The following DENND1B variants were observed in gnomAD, a reference collection of about 807,000 sequenced individuals.
DENND1B encodes DENN domain containing 1B, also known as DENN domain-containing protein 1B.
Under a neutral mutation model 90.1 loss-of-function variants are expected in DENND1B, and 59 were observed. That is an observed-to-expected ratio of 0.65 (90% CI 0.53 to 0.81). The LOEUF is 0.81. DENND1B is among the 40% of genes least tolerant of loss of function. The pLI is 0.00. For synonymous variants in DENND1B, 337 were observed against 324.6 expected (o/e 1.04, Z -0.41); for missense variants, 862 against 912.6 (o/e 0.94, Z 0.71).
chr1:197,534,957 T>G (rs1451093287), intron 20 of DENND1B, among the ~76,000 whole-genome samples: 1 of 152,228 alleles, frequency 6.6e-6, no homozygotes, highest in Non-Finnish European at 1.5e-5. Flanking sequence ...CATAACATAC[T>G]GTATCATATT....
intron 2 of DENND1B, among the ~76,000 whole-genome samples, chr1:197,741,910 T>C (rs1043694970): frequency 6.6e-6 from 1 of 152,134 alleles, no homozygotes; most frequent in Non-Finnish European, 1.5e-5. Flanking sequence ...ATCTTAAGTA[T>C]GGAAGAACTT....
At chr1:197,570,589 T>G (rs1013202106) in intron 15 of DENND1B, among the ~76,000 whole-genome samples, 2 of 152,200 alleles carry the variant, frequency 1.3e-5, no homozygotes, top group African/African-American at 4.8e-5. Flanking sequence ...TAGAGGTGGA[T>G]GATCTTGAGG....
chr1:197,643,454 C>T (rs1203964205), intron 9 of DENND1B, among the ~76,000 whole-genome samples: 1 of 152,118 alleles, frequency 6.6e-6, no homozygotes, highest in Non-Finnish European at 1.5e-5. Context: ...CCACACCTGG[C>T]CAAGAATCTG....
chr1:197,523,611 T>C (rs890243101), intron 20 of DENND1B, among the ~76,000 whole-genome samples: 19 of 152,130 alleles, frequency 1.2e-4, no homozygotes, highest in Non-Finnish European at 2.4e-4. Flanking sequence ...GCAAGAACAC[T>C]GAGAAAGCTT....
chr1:197,569,854 C>T (rs1673002439), intron 15 of DENND1B, among the ~76,000 whole-genome samples: 1 of 151,974 alleles, frequency 6.6e-6, no homozygotes, highest in African/African-American at 2.4e-5. Context: ...ATGGAGAGTA[C>T]AGTTAATAAC....
At chr1:197,515,625 T>A (rs147197430) in intron 20 of DENND1B, among the ~76,000 whole-genome samples, 3 of 151,936 alleles carry the variant, frequency 2.0e-5, no homozygotes, top group South Asian at 2.1e-4. Context: ...CACTGCTACT[T>A]AAGAACTAAT....
intron 2 of DENND1B, among the ~76,000 whole-genome samples, chr1:197,717,201 A>T (rs1660731852): frequency 6.6e-6 from 1 of 151,988 alleles, no homozygotes; most frequent in African/African-American, 2.4e-5. Flanking sequence ...ACTGCAAAGG[A>T]AGAAACAAAA....
intron 15 of DENND1B, among the ~76,000 whole-genome samples, chr1:197,566,357 T>C (rs1173753473): frequency 6.6e-6 from 1 of 152,092 alleles, no homozygotes; most frequent in Non-Finnish European, 1.5e-5. Context: ...TTCTTGTAAA[T>C]TTGTTTGAGT....
upstream of DENND1B, among the ~76,000 whole-genome samples, chr1:197,778,237 T>C (rs148554475): frequency 6.6e-6 from 1 of 152,318 alleles, no homozygotes; most frequent in East Asian, 1.9e-4. Flanking sequence ...TGTTAGGATA[T>C]CTCTTTTCAT....
At chr1:197,727,978 G>GA (rs919828292) in intron 2 of DENND1B, among the ~76,000 whole-genome samples, 84 of 144,276 alleles carry the variant, frequency 5.8e-4, no homozygotes, top group East Asian at 2.6e-3. Context: ...GAAGAGCTGT[G>GA]AAAAAAAAAA....
intron 18 of DENND1B, 92 bp downstream of exon 18, chr1:197,545,830 A>G: frequency 8.8e-7 from 1 of 1,132,526 alleles, no homozygotes; most frequent in Non-Finnish European, 1.2e-6. Flanking sequence ...TTTAAAAGAA[A>G]AATAGAAAAT....
chr1:197,569,997 C>T (rs1353956484), intron 15 of DENND1B, among the ~76,000 whole-genome samples: 1 of 152,010 alleles, frequency 6.6e-6, no homozygotes, highest in Admixed American at 6.6e-5. Flanking sequence ...TTTAGTCATT[C>T]CACAATCAAA....
intron 15 of DENND1B, among the ~76,000 whole-genome samples, chr1:197,554,148 C>T (rs1052444142): frequency 3.0e-5 from 4 of 134,658 alleles, no homozygotes; most frequent in Non-Finnish European, 6.4e-5. Flanking sequence ...CACACACACA[C>T]GTATTACTAG....
At chr1:197,637,232 T>C (rs1041772689) in intron 10 of DENND1B, among the ~76,000 whole-genome samples, 2 of 151,092 alleles carry the variant, frequency 1.3e-5, no homozygotes, top group African/African-American at 4.9e-5. Flanking sequence ...GCTATAAGGA[T>C]AAGAAAAAAG....
rs531267135 is a variant in DENND1B at position 197,774,889 on chromosome 1, T to C, written c.17+250A>G. On this transcript the variant is annotated intron_variant, in intron 1 of 22. Coordinates refer to ENST00000620048, the MANE Select transcript of DENND1B (RefSeq NM_001195215.2). ...CGAAAGGCGGGCGTCGACAAGGCGC[T>C]AGTGGCCTCTCCGGGAGGAGCCGCG... Among the ~76,000 whole-genome samples, 84 of 152,044 alleles carry C rather than the reference T, an allele frequency of 5.5e-4. 2 individuals are homozygous for C. The South Asian group carries it at 0.017, about 31-fold the overall frequency.
chr1:197,652,689 T>G (rs560000986), intron 6 of DENND1B, among the ~76,000 whole-genome samples: 37 of 152,208 alleles, frequency 2.4e-4, no homozygotes, highest in African/African-American at 7.0e-4. Flanking sequence ...AGTACTCTTA[T>G]TTTCCATTTC....
At chr1:197,752,567 C>A (rs963774195) in intron 2 of DENND1B, among the ~76,000 whole-genome samples, 1 of 152,030 alleles carries the variant, frequency 6.6e-6, no homozygotes, top group Non-Finnish European at 1.5e-5. Context: ...AAAACACTAA[C>A]TTCTGATTTT....
chr1:197,690,219 C>T lies in DENND1B; in HGVS notation c.127-16050G>A, dbSNP rs531151715. Reference sequence around the variant, plus strand: ...CAAGAATGTGTCTGTCAAAGATACTCGTCATGGCAATGTTGCTGGTGACAG... The same window carrying T: ...CAAGAATGTGTCTGTCAAAGATACTTGTCATGGCAATGTTGCTGGTGACAG... On this transcript the variant is annotated intron_variant, in intron 3 of 22. Transcript: ENST00000620048. The T allele has an allele frequency of 3.8e-5, 11 of 289,820 alleles. No individual in the cohort carries two copies. The East Asian group carries it at 4.8e-4, about 13-fold the overall frequency. 18.0% of individuals were successfully genotyped at this position (289,820 alleles called of 1,614,324 possible).
In DENND1B at chr1:197,658,372, G is replaced by T; in HGVS notation, c.297-3C>A. On this transcript the variant is annotated splice_polypyrimidine_tract_variant and splice_region_variant and intron_variant, in intron 5 of 22. Transcript: ENST00000620048. The stretch of plus-strand genomic sequence containing the variant: ...ACACTTCAAACCAGGGAAGGTAACT[G>T]TAAAATAATTATTTTAAAATGTATA... 1 of 1,575,028 alleles carries T rather than the reference G, an allele frequency of 6.3e-7. No individual in the cohort carries two copies. The highest frequency in any genetic ancestry group is 8.7e-7 in the Non-Finnish European group (1 of 1,150,380).
Sources: allele counts gnomAD v4.1 joint callset (sites outside exome capture counted in the v4.1 genomes callset), GRCh38; gene constraint gnomAD v4.1.1; transcripts MANE v1.5; gene names NCBI Gene and HGNC (gene_info 2026-07-23, HGNC 2026-07-21).